Variants in TNXB observed in about 807,000 individuals in gnomAD.
The protein encoded by TNXB is tenascin XB.
TNXB carries 183 observed loss-of-function variants against 340.5 expected under a neutral mutation model. The ratio of observed to expected loss-of-function variants is 0.54; its 90% confidence interval spans 0.48 to 0.61. The LOEUF is 0.61. Among genes scored for constraint, TNXB ranks in the 20% least tolerant of loss-of-function variants. The pLI is 0.00. For synonymous variants in TNXB, 2,121 were observed against 2,314.5 expected (o/e 0.92, Z 2.40); for missense variants, 4,613 against 5,446.4 (o/e 0.85, Z 4.82).
In TNXB at chr6:32,061,969, T is replaced by C. The variant is rs573959393; in HGVS notation, c.7168+188A>G. On this transcript the variant is annotated intron_variant, in intron 20 of 43. Transcript: ENST00000644971. This position sits in a 1 kb window ranked among gnomAD's most constrained non-coding sequence, Gnocchi z 4.4. Reference sequence around the variant, plus strand: ...GCCACCAGCACAGCAAAACTCCCAATGGCCCCTCCCTGCTCAGGGGGAGCC... The same window carrying C: ...GCCACCAGCACAGCAAAACTCCCAACGGCCCCTCCCTGCTCAGGGGGAGCC... Among the ~76,000 whole-genome samples, 78 of 152,248 alleles carry C rather than the reference T, an allele frequency of 5.1e-4. No individual in the cohort carries two copies. The highest frequency in any genetic ancestry group is 1.9e-3 in the African/African-American group (78 of 41,556).
rs1337866373 is a variant in TNXB at position 32,088,538 on chromosome 6, C to A, written c.2779+247G>T. Reference sequence around the variant, plus strand: ...ATCAGGCAGCATCTCCTATTCACTTCTCTCCCTGGGGCCATTCCTTTCATA... The same window carrying A: ...ATCAGGCAGCATCTCCTATTCACTTATCTCCCTGGGGCCATTCCTTTCATA... On this transcript the variant is annotated intron_variant, in intron 6 of 43. Coordinates refer to ENST00000644971, the MANE Select transcript of TNXB (RefSeq NM_001365276.2). Among the ~76,000 whole-genome samples, 4 of 149,304 alleles carry A rather than the reference C, an allele frequency of 2.7e-5. No individual in the cohort carries two copies. In the East Asian group the frequency reaches 5.9e-4, roughly 22 times the overall value.
rs1397746200 is a variant in TNXB, at chr6:32,096,634, C to G, written c.1219G>C (p.Asp407His). The change falls in exon 3 of 44, where the codon GAC (aspartate) becomes CAC (histidine). Residue 407 changes from aspartate to histidine, a missense_variant. Around this residue, in one of 7 missense-constraint regions of TNXB, gnomAD observed 4,327 missense variants for 4,859.4 expected, o/e 0.89. Coordinates refer to ENST00000644971, the MANE Select transcript of TNXB (RefSeq NM_001365276.2). ...TCGCAGCGGCCCCTTTGGTTGCAGT[C>G]GCCAGGGCAGCTGCGCACGCCGCAG... Reference protein sequence around the residue: ...DDCGVRSCPGDCNQRGRCEDG... With the variant: ...DDCGVRSCPGHCNQRGRCEDG... 1.9e-6 allele frequency: 3 copies of G among 1,549,314 alleles called. No individual in the cohort carries two copies. In the Admixed American group the frequency reaches 5.9e-5, roughly 30 times the overall value.
Position 32,081,203 on chromosome 6 carries a change from C to G in TNXB, c.4042+165G>C, listed in dbSNP as rs1779404861. On this transcript the variant is annotated intron_variant, in intron 10 of 43. Transcript: ENST00000644971. The surrounding 1 kb of genome is among the most constrained non-coding windows in gnomAD (Gnocchi z 5.1). ...GGAGGTGGAGGCTGGATGAGGGGGA[C>G]CTGGCATGCAGAGGACAGGAGAGCA... Among the ~76,000 whole-genome samples, 1 of 152,008 alleles carries G rather than the reference C, an allele frequency of 6.6e-6. No homozygotes were observed. Among genetic ancestry groups the G allele is most frequent in the African/African-American group, 2.4e-5 (1 of 41,380 alleles).
At chr6:32,104,853 C>A (rs991477761) in intron 1 of TNXB, among the ~76,000 whole-genome samples, 1 of 151,934 alleles carries the variant, frequency 6.6e-6, no homozygotes. Context: ...CTCGGGCTGG[C>A]CTTGAACTCT....
In TNXB at chr6:32,070,373, CA is replaced by C; in HGVS notation, c.5031del (p.Glu1679SerfsTer4). The C allele has an allele frequency of 6.2e-7, 1 of 1,602,438 alleles. No individual in the cohort carries two copies. Among genetic ancestry groups the C allele is most frequent in the Non-Finnish European group, 8.5e-7 (1 of 1,173,934 alleles). On this transcript the variant is annotated frameshift_variant, in exon 14 of 44. Transcript: ENST00000644971. LOFTEE classifies it high-confidence loss of function. The surrounding 1 kb of genome is among the most constrained non-coding windows in gnomAD (Gnocchi z 6.0). ...GDASPGAPPR[L>X]GELWVTDPTP... ...GTGGGGTCTGTCACCCACAGCTCCC[CA>C]AGGCGGGGTGGGGCCCCTGGGCTGG...
At chr6:32,102,504 G>A (rs1368924310) in intron 1 of TNXB, among the ~76,000 whole-genome samples, 1 of 152,118 alleles carries the variant, frequency 6.6e-6, no homozygotes, top group Non-Finnish European at 1.5e-5. Flanking sequence ...ACATAGTGCT[G>A]AGTAAAAAAT....
At position 32,088,836 on chromosome 6, in the gene TNXB, C is replaced by T. The variant is rs771724021; in HGVS notation, c.2728G>A (p.Ala910Thr). 5 of 1,582,768 alleles carry T rather than the reference C, an allele frequency of 3.2e-6. No individual in the cohort carries two copies. The highest frequency in any genetic ancestry group is 3.4e-6 in the Non-Finnish European group (4 of 1,164,880). The stretch of plus-strand genomic sequence containing the variant: ...TAGCTGACTGCCCGGCCCCGCTCCG[C>T]TGTGACAGTCACCACATATTCTACG... ...PGVEYVVTVT[A>T]ERGRAVSYPA... Residue 910 changes from alanine (A) to threonine (T), a missense_variant, in exon 6 of 44, where the codon GCG (alanine) becomes ACG (threonine). By Grantham distance (58) the Ala-to-Thr change is moderately conservative. This residue lies in a region of TNXB where 4,327 missense variants were observed against 4,859.4 expected (regional missense o/e 0.89). Coordinates refer to ENST00000644971, the MANE Select transcript of TNXB (RefSeq NM_001365276.2).
chr6:32,071,050 G>T lies in TNXB; in HGVS notation c.4991-636C>A, dbSNP rs576382651. Among the ~76,000 whole-genome samples the T allele has an allele frequency of 5.9e-5, 9 of 152,344 alleles. No individual in the cohort carries two copies. The South Asian group carries it at 1.9e-3, about 32-fold the overall frequency. On this transcript the variant is annotated intron_variant, in intron 13 of 43. Coordinates refer to ENST00000644971, the MANE Select transcript of TNXB (RefSeq NM_001365276.2). ...AAGGGATCTGGTGTCTGCCTGAGGA[G>T]CCATCCCAGGGCTTGAGAAGGAGCT...
chr6:32,054,539 A>G (rs1777515113), intron 24 of TNXB, among the ~76,000 whole-genome samples: 1 of 152,074 alleles, frequency 6.6e-6, no homozygotes, highest in Non-Finnish European at 1.5e-5. Flanking sequence ...GACATGCTTC[A>G]CTTCCTCTCC....
Position 32,058,387 on chromosome 6 carries a change from G to C in TNXB, c.7496C>G (p.Pro2499Arg). Reference protein sequence around the residue: ...GPVSTVGVTAPQEDVDETPSP... With the variant: ...GPVSTVGVTARQEDVDETPSP... Reference sequence around the variant, plus strand: ...GGGGGTCTCGTCCACATCCTCTTGTGGGGCTGAAAGGTAATATAGGGGGAT... The same window carrying C: ...GGGGGTCTCGTCCACATCCTCTTGTCGGGCTGAAAGGTAATATAGGGGGAT... Residue 2499 changes from proline (P) to arginine (R), a missense_variant, in exon 22 of 44, where the codon CCA becomes CGA. Physicochemically the swap from Pro to Arg is moderately radical, Grantham distance 103. Around this residue, in one of 7 missense-constraint regions of TNXB, gnomAD observed 4,327 missense variants for 4,859.4 expected, o/e 0.89. Coordinates refer to ENST00000644971, the MANE Select transcript of TNXB (RefSeq NM_001365276.2). The surrounding 1 kb of genome is among the most constrained non-coding windows in gnomAD (Gnocchi z 5.1). 6.3e-7 allele frequency: 1 copy of C among 1,598,738 alleles called. No individual in the cohort carries two copies. The highest frequency in any genetic ancestry group is 8.5e-7 in the Non-Finnish European group (1 of 1,173,002).
At position 32,083,640 on chromosome 6, in the gene TNXB, CCAT is replaced by C. The variant is rs1443760946; in HGVS notation, c.3445+770_3445+772del. 5.9e-5 allele frequency among the ~76,000 whole-genome samples: 9 copies of C among 152,046 alleles called. No homozygotes were observed. Among genetic ancestry groups the C allele is most frequent in the Admixed American group, 2.0e-4 (3 of 15,246 alleles). ...CCCCACTGCCACCATCCCAGCTGAC[CCAT>C]CATCATTTTTCTTTTTTTTGAGACA... is the stretch of plus-strand genomic sequence containing the variant. On this transcript the variant is annotated intron_variant, in intron 8 of 43. Coordinates refer to ENST00000644971, the MANE Select transcript of TNXB (RefSeq NM_001365276.2). The surrounding 1 kb of genome is among the most constrained non-coding windows in gnomAD (Gnocchi z 4.6).
rs1440656965 is a variant in TNXB, at chr6:32,068,083, G to C, written c.6221-99C>G. ...GACTGGGGGACCCGAGGTCAGTTCAGAGAGGCCTACTCTTGGGGCTGGGTG... is the reference window on the plus strand; with the variant it reads ...GACTGGGGGACCCGAGGTCAGTTCACAGAGGCCTACTCTTGGGGCTGGGTG... On this transcript the variant is annotated intron_variant, in intron 17 of 43. Transcript: ENST00000644971. The surrounding 1 kb of genome is among the most constrained non-coding windows in gnomAD (Gnocchi z 5.3). 5 of 1,475,324 alleles carry C rather than the reference G, an allele frequency of 3.4e-6. No homozygotes were observed. Among genetic ancestry groups the C allele is most frequent in the East Asian group, 4.7e-5 (2 of 42,292 alleles). The allele number at this position is 1,475,324 out of a possible 1,614,324, so 91.4% of individuals were successfully genotyped here.
Position 32,082,066 on chromosome 6 carries a change from A to G in TNXB, c.3706T>C (p.Tyr1236His). The change falls in exon 9 of 44, where the codon TAT becomes CAT. Residue 1236 changes from tyrosine (Y) to histidine (H), a missense_variant. Coordinates refer to ENST00000644971, the MANE Select transcript of TNXB (RefSeq NM_001365276.2). The surrounding 1 kb of genome is among the most constrained non-coding windows in gnomAD (Gnocchi z 5.0). ...TLFGIANKKR[Y>H]GPLTADGTTA... ...GTGCCATCGGCCGTGAGGGGGCCAT[A>G]CCGCTTCTTGTTCGCAATTCCAAAC... 1 of 1,607,662 alleles carries G rather than the reference A, an allele frequency of 6.2e-7. No individual in the cohort carries two copies. Among genetic ancestry groups the G allele is most frequent in the Non-Finnish European group, 8.5e-7 (1 of 1,177,404 alleles).
Position 32,069,429 on chromosome 6 carries a change from C to T in TNXB, c.5587+124G>A. The T allele has an allele frequency of 2.4e-6, 3 of 1,234,704 alleles. No homozygotes were observed. Among genetic ancestry groups the T allele is most frequent in the Non-Finnish European group, 3.3e-6 (3 of 918,584 alleles). 76.5% of individuals were successfully genotyped at this position (1,234,704 alleles called of 1,614,324 possible). On this transcript the variant is annotated intron_variant, in intron 15 of 43. Transcript: ENST00000644971. The surrounding 1 kb of genome is among the most constrained non-coding windows in gnomAD (Gnocchi z 6.2). ...TGGGGCAACTGACTCTAAAGGGGCA[C>T]AAGGAAACTTTCTGGATCAATGGAA...
At position 32,074,325 on chromosome 6, in the gene TNXB, T is replaced by C. The variant is rs1032430206; in HGVS notation, c.4376-373A>G. On this transcript the variant is annotated intron_variant, in intron 11 of 43. Transcript: ENST00000644971. The surrounding 1 kb of genome is among the most constrained non-coding windows in gnomAD (Gnocchi z 5.5). ...AGGTGTGAGCCACCACACCCAGCGA[T>C]GTCTGTTGCATTTGTGGAACCCGCA... Among the ~76,000 whole-genome samples, 4 of 152,134 alleles carry C rather than the reference T, an allele frequency of 2.6e-5. No homozygotes were observed. Among genetic ancestry groups the C allele is most frequent in the African/African-American group, 9.7e-5 (4 of 41,432 alleles).
Position 32,046,592 on chromosome 6 carries a change from C to G in TNXB, c.10325-136G>C, listed in dbSNP as rs969132407. ...AGGGACAGCTCCTTGAGGAGACACA[C>G]AGGCCTGCTCCCGCCATGCCCCACA... On this transcript the variant is annotated intron_variant, in intron 30 of 43. Transcript: ENST00000644971. The surrounding 1 kb of genome is among the most constrained non-coding windows in gnomAD (Gnocchi z 6.9). The G allele has an allele frequency of 1.4e-6, 1 of 712,090 alleles. No individual in the cohort carries two copies. The highest frequency in any genetic ancestry group is 1.8e-5 in the African/African-American group (1 of 56,572). The allele number at this position is 712,090 out of a possible 1,614,324, so 44.1% of individuals were successfully genotyped here. A position where few individuals can be genotyped will look rare whatever the true frequency, so the allele number is the denominator to read the frequency against.
In TNXB at chr6:32,108,665, T is replaced by C. The variant is rs1781096329; in HGVS notation, c.-9+516A>G. 6.6e-6 allele frequency among the ~76,000 whole-genome samples: 1 copy of C among 152,100 alleles called. No homozygotes were observed. Among genetic ancestry groups the C allele is most frequent in the Admixed American group, 6.5e-5 (1 of 15,276 alleles). On this transcript the variant is annotated intron_variant, in intron 1 of 43. Coordinates refer to ENST00000644971, the MANE Select transcript of TNXB (RefSeq NM_001365276.2). This position sits in a 1 kb window ranked among gnomAD's most constrained non-coding sequence, Gnocchi z 4.8. ...CGCTGCCACCTAGGGAGTCCCCATTTGGATGCCCAAAGAAGCACCCTCTGG... is the reference window on the plus strand; with the variant it reads ...CGCTGCCACCTAGGGAGTCCCCATTCGGATGCCCAAAGAAGCACCCTCTGG...
In TNXB at chr6:32,053,006, G is replaced by A; in HGVS notation, c.8792-13C>T. The stretch of plus-strand genomic sequence containing the variant: ...TCTTCCTCTGCAGCTGAGAAGAGGG[G>A]ACAGAGAAGGTGAGGCAGCTTCCCT... On this transcript the variant is annotated splice_polypyrimidine_tract_variant and intron_variant, in intron 25 of 43. Coordinates refer to ENST00000644971, the MANE Select transcript of TNXB (RefSeq NM_001365276.2). The A allele has an allele frequency of 2.5e-6, 4 of 1,605,512 alleles. No homozygotes were observed. The highest frequency in any genetic ancestry group is 1.3e-5 in the African/African-American group (1 of 74,798).
chr6:32,072,369 AG>A lies in TNXB; in HGVS notation c.4682-72del. ...AGAACCCCTGGGCTTTGAGGGCCTCAGGGGGGCTGTGAACTGAGATGGGGAA... is the reference window on the plus strand; with the variant it reads ...AGAACCCCTGGGCTTTGAGGGCCTCAGGGGGCTGTGAACTGAGATGGGGAA... On this transcript the variant is annotated intron_variant, in intron 12 of 43. Transcript: ENST00000644971. This position sits in a 1 kb window ranked among gnomAD's most constrained non-coding sequence, Gnocchi z 4.4. The A allele has an allele frequency of 7.4e-7, 1 of 1,352,054 alleles. No homozygotes were observed. Among genetic ancestry groups the A allele is most frequent in the Non-Finnish European group, 9.9e-7 (1 of 1,007,332 alleles). The allele number at this position is 1,352,054 out of a possible 1,614,324, so 83.8% of individuals were successfully genotyped here.
Sources: gnomAD v4.1 joint callset for allele counts (sites outside exome capture counted in the v4.1 genomes callset) on GRCh38, gnomAD v4.1.1 for gene constraint, gnomAD v4.1.1 regional missense constraint, Gnocchi (gnomAD v3.1) non-coding constraint, MANE v1.5 for transcripts, NCBI Gene and HGNC (gene_info 2026-07-23, HGNC 2026-07-21) for gene names.